EIF4E: variants seen among roughly 807,000 people sequenced by gnomAD.
EIF4E encodes eIF-4F 25 kDa subunit.
For synonymous variants in EIF4E, 71 were observed against 88.5 expected (o/e 0.80, Z 1.11); for missense variants, 113 against 265.6 (o/e 0.43, Z 3.99).
chr4:98,912,264 AG>A (rs1250685835), intron 1 of EIF4E, among the ~76,000 whole-genome samples: 3 of 151,156 alleles, frequency 2.0e-5, no homozygotes, highest in Non-Finnish European at 4.4e-5. Context: ...AAAAAAAAAA[AG>A]AAGAAAAAGA....
At chr4:98,926,033 G>T (rs1337898966) in intron 1 of EIF4E, 1 of 151,936 alleles carries the variant, frequency 6.6e-6, no homozygotes, top group Non-Finnish European at 1.5e-5. Flanking sequence ...GGGCGTGGTG[G>T]CCTGCTCCTG....
At chr4:98,916,202 C>T (rs1294767443) in intron 1 of EIF4E, among the ~76,000 whole-genome samples, 17 of 147,320 alleles carry the variant, frequency 1.2e-4, no homozygotes, top group Admixed American at 1.0e-3. Flanking sequence ...AAAAAAAAGT[C>T]TACGTACTTC....
chr4:98,891,397 C>T (rs1347015694), intron 2 of EIF4E, 65 bp from the exon 3 acceptor site: 1 of 1,462,108 alleles, frequency 6.8e-7, no homozygotes. Flanking sequence ...CAACATTATT[C>T]ACAAAAGTCA....
At chr4:98,916,528 G>A (rs1261978351) in intron 1 of EIF4E, among the ~76,000 whole-genome samples, 1 of 152,052 alleles carries the variant, frequency 6.6e-6, no homozygotes, top group Admixed American at 6.6e-5. Flanking sequence ...TGAGTACACA[G>A]TACAATGGAT....
chr4:98,929,071 G>A, intron 1 of EIF4E, 24 bp downstream of exon 1: 1 of 1,580,122 alleles, frequency 6.3e-7, no homozygotes, highest in African/African-American at 1.3e-5. Flanking sequence ...ACCCGTGGGG[G>A]TGGGGGCCAA....
intron 3 of EIF4E, among the ~76,000 whole-genome samples, chr4:98,889,406 C>A (rs147380028): frequency 1.8e-4 from 28 of 152,196 alleles, no homozygotes; most frequent in African/African-American, 6.0e-4. Context: ...GTGGGAATGA[C>A]CTTCAATAAA....
Position 98,907,638 on chromosome 4 carries a change from TGCAAAATGGGTAGCTCAACAAGACA to T in EIF4E, c.19-5681_19-5657del, listed in dbSNP as rs1724929702. ...GTCCCTGATGCACTAGGAGCCATAC[TGCAAAATGGGTAGCTCAACAAGACA>T]GCCTGGATCCACCTCTAACCCCAAC... On this transcript the variant is annotated intron_variant, in intron 1 of 6. Transcript: ENST00000450253. Among the ~76,000 whole-genome samples the T allele has an allele frequency of 2.6e-5, 4 of 152,202 alleles. 1 individual carries two copies. Among genetic ancestry groups the T allele is most frequent in the Admixed American group, 2.6e-4 (4 of 15,280 alleles).
In EIF4E at chr4:98,891,335, A is replaced by G. The variant is rs747166890; in HGVS notation, c.126-3T>C. 4 of 1,610,364 alleles carry G rather than the reference A, an allele frequency of 2.5e-6. No homozygotes were observed. Among genetic ancestry groups the G allele is most frequent in the Non-Finnish European group, 3.4e-6 (4 of 1,178,604 alleles). ...TTTTAAAAAACCAGAGTGCCCATCT[A>G]AAAATAAAAAATCAGTGTCAAAAAA... On this transcript the variant is annotated splice_region_variant and splice_polypyrimidine_tract_variant and intron_variant, in intron 2 of 6. Coordinates refer to ENST00000450253, the MANE Select transcript of EIF4E (RefSeq NM_001968.5).
At chr4:98,917,220 C>T (rs1042578550) in intron 1 of EIF4E, among the ~76,000 whole-genome samples, 1 of 151,616 alleles carries the variant, frequency 6.6e-6, no homozygotes, top group Admixed American at 6.6e-5. Context: ...AGTTCCTCTT[C>T]TCTCCTTTAT....
At chr4:98,882,308 C>T (rs1432098933) in intron 6 of EIF4E, among the ~76,000 whole-genome samples, 4 of 148,532 alleles carry the variant, frequency 2.7e-5, no homozygotes, top group Non-Finnish European at 4.4e-5. Context: ...AGGAGAATGG[C>T]GTGAACCTGG....
chr4:98,919,558 C>CTT (rs532537834), intron 1 of EIF4E, among the ~76,000 whole-genome samples: 75 of 131,874 alleles, frequency 5.7e-4, no homozygotes, highest in Admixed American at 7.7e-4. Context: ...GATTCTTTTT[C>CTT]TTTTTTTTTT....
intron 1 of EIF4E, among the ~76,000 whole-genome samples, chr4:98,905,183 C>G (rs1390363118): frequency 6.7e-6 from 1 of 149,232 alleles, no homozygotes; most frequent in African/African-American, 2.5e-5. Context: ...GCAAATTTCA[C>G]TGGAAATTAC....
intron 1 of EIF4E, among the ~76,000 whole-genome samples, chr4:98,908,043 A>G (rs1238914783): frequency 6.6e-6 from 1 of 152,200 alleles, no homozygotes; most frequent in Non-Finnish European, 1.5e-5. Flanking sequence ...AAGATAAATC[A>G]CTAACATTCA....
chr4:98,926,653 C>A (rs1040070260), intron 1 of EIF4E: 7 of 152,178 alleles, frequency 4.6e-5, no homozygotes, highest in Non-Finnish European at 7.3e-5. Flanking sequence ...TTAGGTTCCC[C>A]TACTCCCCAA....
chr4:98,903,150 T>C (rs1363363755), intron 1 of EIF4E, among the ~76,000 whole-genome samples: 1 of 152,124 alleles, frequency 6.6e-6, no homozygotes, highest in Non-Finnish European at 1.5e-5. Context: ...CTATCATAAA[T>C]TGTTGTCAAC....
intron 6 of EIF4E, among the ~76,000 whole-genome samples, chr4:98,883,393 ATTT>A: frequency 9.6e-6 from 1 of 103,872 alleles, no homozygotes; most frequent in South Asian, 3.3e-4. Context: ...TGTAAGTCAA[ATTT>A]TTTTTTTTTT....
chr4:98,901,227 C>T (rs930845141), intron 2 of EIF4E, among the ~76,000 whole-genome samples: 2 of 141,144 alleles, frequency 1.4e-5, no homozygotes, highest in African/African-American at 5.3e-5. Flanking sequence ...GATGGAGTTT[C>T]GCTCTTGTTG....
intron 2 of EIF4E, among the ~76,000 whole-genome samples, chr4:98,899,259 G>GA (rs1184769880): frequency 1.3e-5 from 2 of 151,444 alleles, no homozygotes; most frequent in East Asian, 3.9e-4. Flanking sequence ...TAATCCAAAA[G>GA]AAAAAAAATA....
intron 2 of EIF4E, among the ~76,000 whole-genome samples, chr4:98,898,484 T>C (rs1458709126): frequency 6.6e-6 from 1 of 151,838 alleles, no homozygotes; most frequent in Non-Finnish European, 1.5e-5. Context: ...GGCACACACC[T>C]GTGGTTCCGG....
Sources: gnomAD v4.1 joint callset for allele counts (sites outside exome capture counted in the v4.1 genomes callset) on GRCh38, gnomAD v4.1.1 for gene constraint, MANE v1.5 for transcripts, NCBI Gene and HGNC (gene_info 2026-07-23, HGNC 2026-07-21) for gene names.